Variants in BLM observed in about 807,000 individuals in gnomAD.
BLM encodes the protein BLM RecQ like helicase.
In BLM, 95 loss-of-function variants were observed where a neutral mutation model predicts 135.3. The observed-to-expected ratio is 0.70, with a 90% confidence interval of 0.59 to 0.83. The LOEUF (loss-of-function observed/expected upper bound fraction) is 0.83, where lower values mean the gene tolerates loss of function less well. BLM is among the 40% of genes least tolerant of loss of function. The pLI is 0.00. For missense variants in BLM, 1,518 were observed against 1,663.9 expected, an observed-to-expected ratio of 0.91 and a Z score of 1.53; for synonymous variants, 520 against 589.2, an observed-to-expected ratio of 0.88 and a Z score of 1.70.
chr15:90,798,142 G>T (rs1397214527), intron 16 of BLM, 48 bp from the exon 17 acceptor site: 1 of 1,506,428 alleles, frequency 6.6e-7, no homozygotes, highest in Admixed American at 1.7e-5. Flanking sequence ...AGTAATCTAG[G>T]CATTGTTACC....
chr15:90,749,257 G>T, intron 2 of BLM, 110 bp from the exon 3 acceptor site: 1 of 747,438 alleles, frequency 1.3e-6, no homozygotes, highest in Admixed American at 2.9e-5. Context: ...TTGCTCAGTT[G>T]GGATACAATT....
At chr15:90,758,251 A>G (rs754262867) in intron 5 of BLM, among the ~76,000 whole-genome samples, 14 of 152,030 alleles carry the variant, frequency 9.2e-5, no homozygotes, top group Admixed American at 6.5e-4. Context: ...ACTTTGGGAG[A>G]CCGAGGTGAG....
chr15:90,784,327 C>CTTTTTTT lies in BLM; in HGVS notation c.2663-576_2663-570dup, dbSNP rs769540432. Among the ~76,000 whole-genome samples, 180 of 69,990 alleles carry CTTTTTTT rather than the reference C, an allele frequency of 2.6e-3. 2 individuals are homozygous for CTTTTTTT. The highest frequency in any genetic ancestry group is 7.5e-3 in the African/African-American group (111 of 14,706). The allele number at this position is 69,990 out of a possible 152,430, so 45.9% of individuals were successfully genotyped here. On this transcript the variant is annotated intron_variant, in intron 13 of 21. Transcript: ENST00000355112. ...CAAAGTTTGTGCAAGAATGGCTTTT[C>CTTTTTTT]TTTTTTTTTTTTTTTTTTTTTTTTG...
At chr15:90,810,879 GAACT>G (rs1279282632) in intron 20 of BLM, among the ~76,000 whole-genome samples, 2 of 152,094 alleles carry the variant, frequency 1.3e-5, no homozygotes, top group African/African-American at 4.8e-5. Flanking sequence ...TTGCCTACCA[GAACT>G]AACTGCCCAA....
intron 12 of BLM, among the ~76,000 whole-genome samples, chr15:90,770,174 C>CG (rs1472979292): frequency 1.4e-5 from 2 of 144,724 alleles, no homozygotes; most frequent in Non-Finnish European, 3.0e-5. Context: ...AAATCCCCCC[C>CG]CCCTTTTTTT....
At chr15:90,795,592 C>T (rs945421537) in intron 16 of BLM, among the ~76,000 whole-genome samples, 1 of 152,100 alleles carries the variant, frequency 6.6e-6, no homozygotes, top group Non-Finnish European at 1.5e-5. Flanking sequence ...GCCATCTCCT[C>T]CCACCCCACC....
chr15:90,725,876 T>C (rs77692548), intron 1 of BLM, among the ~76,000 whole-genome samples: 4,994 of 152,160 alleles, frequency 0.033, 270 homozygotes, highest in African/African-American at 0.11. Context: ...TAAACATATT[T>C]ATATATAGTT....
rs72524505 is a variant in BLM at position 90,815,044 on chromosome 15, A to AGAG, written c.4077-57_4077-56insAGG. 1.2e-5 allele frequency: 18 copies of AGAG among 1,559,388 alleles called. No individual in the cohort carries two copies. The highest frequency in any genetic ancestry group is 1.3e-5 in the Non-Finnish European group (15 of 1,137,476). On this transcript the variant is annotated intron_variant, in intron 21 of 21. Coordinates refer to ENST00000355112, the MANE Select transcript of BLM (RefSeq NM_000057.4). This position sits in a 1 kb window ranked among gnomAD's most constrained non-coding sequence, Gnocchi z 4.6. The stretch of plus-strand genomic sequence containing the variant: ...TGTAGCTCTGTGCAGGTTGAGAGGA[A>AGAG]GGTCATTCATTTTTGGTTTCATTTA...
At chr15:90,787,216 A>AT (rs113898256) in intron 14 of BLM, among the ~76,000 whole-genome samples, 3 of 149,946 alleles carry the variant, frequency 2.0e-5, no homozygotes, top group African/African-American at 4.9e-5. Flanking sequence ...CGCCCGGCTA[A>AT]TTTTTTTTTG....
intron 21 of BLM, among the ~76,000 whole-genome samples, chr15:90,811,712 C>G (rs553785331): frequency 6.6e-6 from 1 of 152,292 alleles, no homozygotes; most frequent in East Asian, 1.9e-4. Flanking sequence ...GGCTAGAGTG[C>G]AGTGGCACAA....
At chr15:90,777,192 C>T (rs1896500823) in intron 12 of BLM, among the ~76,000 whole-genome samples, 1 of 151,714 alleles carries the variant, frequency 6.6e-6, no homozygotes, top group Non-Finnish European at 1.5e-5. Context: ...AATGGAGTTT[C>T]ACTCTTGTTG....
At chr15:90,810,672 A>G (rs1165772787) in intron 20 of BLM, among the ~76,000 whole-genome samples, 1 of 152,200 alleles carries the variant, frequency 6.6e-6, no homozygotes, top group African/African-American at 2.4e-5. Context: ...GTTCAGCCAT[A>G]TTGTGCAAAG....
chr15:90,801,164 GT>G (rs1897157543), intron 17 of BLM, among the ~76,000 whole-genome samples: 1 of 54,528 alleles, frequency 1.8e-5, no homozygotes, highest in African/African-American at 4.0e-5. Context: ...AAAAAAAGTT[GT>G]AAAAAAAAAA....
chr15:90,803,250 A>C (rs973165501), intron 17 of BLM, among the ~76,000 whole-genome samples: 1 of 151,924 alleles, frequency 6.6e-6, no homozygotes, highest in African/African-American at 2.4e-5. Context: ...GTTTATGTAA[A>C]CTCTTTCTTT....
chr15:90,800,635 G>A (rs1051305667), intron 17 of BLM, among the ~76,000 whole-genome samples: 4 of 151,870 alleles, frequency 2.6e-5, no homozygotes, highest in Non-Finnish European at 5.9e-5. Context: ...AGCCAAGATC[G>A]TGCCATTGCA....
intron 12 of BLM, among the ~76,000 whole-genome samples, chr15:90,775,986 G>A (rs1896467421): frequency 6.6e-6 from 1 of 152,078 alleles, no homozygotes; most frequent in Non-Finnish European, 1.5e-5. Flanking sequence ...CACCCAGCTA[G>A]GACTTTTGTT....
At position 90,815,507 on chromosome 15, in the gene BLM, C is replaced by A. The variant is rs1031144797; in HGVS notation, c.*228C>A. On this transcript the variant is annotated 3_prime_UTR_variant, in exon 22 of 22. Coordinates refer to ENST00000355112, the MANE Select transcript of BLM (RefSeq NM_000057.4). The surrounding 1 kb of genome is among the most constrained non-coding windows in gnomAD (Gnocchi z 4.6). ...GTGTTGTGGCCGTTGTTTCTCAGAA[C>A]GTCTGAGGCAGCAGCTGAATCATCT... is the stretch of plus-strand genomic sequence containing the variant. 2.5e-5 allele frequency: 14 copies of A among 550,982 alleles called. No homozygotes were observed. Among genetic ancestry groups the A allele is most frequent in the African/African-American group, 5.7e-5 (3 of 52,876 alleles). 34.1% of individuals were successfully genotyped at this position (550,982 alleles called of 1,614,324 possible).
At chr15:90,782,683 A>G (rs1896645480) in intron 12 of BLM, 139 bp from the exon 13 acceptor site, 6 of 663,150 alleles carry the variant, frequency 9.0e-6, no homozygotes, top group Admixed American at 5.0e-5. Flanking sequence ...CTCATGACCT[A>G]ATTATCTCCC....
intron 14 of BLM, among the ~76,000 whole-genome samples, chr15:90,789,046 T>G (rs917660637): frequency 1.1e-4 from 11 of 99,948 alleles, no homozygotes; most frequent in East Asian, 9.9e-4. Flanking sequence ...AATGGAGATA[T>G]ATATATATAT....
Sources: gnomAD v4.1 joint callset for allele counts (sites outside exome capture counted in the v4.1 genomes callset) on GRCh38, gnomAD v4.1.1 for gene constraint, Gnocchi (gnomAD v3.1) non-coding constraint, MANE v1.5 for transcripts, NCBI Gene and HGNC (gene_info 2026-07-23, HGNC 2026-07-21) for gene names.